The following GALNT2 variants were observed in gnomAD, a reference collection of about 807,000 sequenced individuals.
GALNT2 encodes polypeptide N-acetylgalactosaminyltransferase 2.
In GALNT2, 31 loss-of-function variants were observed where a neutral mutation model predicts 81.4. That is an observed-to-expected ratio of 0.38 (90% CI 0.29 to 0.51). The LOEUF (loss-of-function observed/expected upper bound fraction) is 0.51, where lower values mean the gene tolerates loss of function less well. Ranked by LOEUF, GALNT2 falls within the 20% of genes least tolerant of loss-of-function variation. The probability of loss-of-function intolerance (pLI) is 0.87; values close to 1 mark genes in which losing one functional copy is unlikely to be tolerated. For missense variants in GALNT2, 629 were observed against 765.7 expected, an observed-to-expected ratio of 0.82 and a Z score of 2.11; for synonymous variants, 303 against 287.4, an observed-to-expected ratio of 1.05 and a Z score of -0.55.
At chr1:230,164,525 C>CTT in intron 1 of GALNT2, among the ~76,000 whole-genome samples, 1 of 82,308 alleles carries the variant, frequency 1.2e-5, no homozygotes, top group East Asian at 4.1e-4. Context: ...ACAGCACGGT[C>CTT]TCTGGGCCCT....
chr1:230,086,349 C>T (rs892822186), intron 1 of GALNT2, among the ~76,000 whole-genome samples: 1 of 152,104 alleles, frequency 6.6e-6, no homozygotes, highest in African/African-American at 2.4e-5. Flanking sequence ...CAGAGCACCT[C>T]CTGGTCATTC....
intron 1 of GALNT2, among the ~76,000 whole-genome samples, chr1:230,089,809 G>T (rs1008357165): frequency 6.6e-6 from 1 of 152,068 alleles, no homozygotes; most frequent in Non-Finnish European, 1.5e-5. Context: ...TATACATTAC[G>T]CTGCTAACAC....
At chr1:230,109,378 G>A (rs1314682632) in intron 1 of GALNT2, among the ~76,000 whole-genome samples, 1 of 152,202 alleles carries the variant, frequency 6.6e-6, no homozygotes, top group South Asian at 2.1e-4. Context: ...ACTCATGTGG[G>A]ACGTCAGGAC....
intron 1 of GALNT2, among the ~76,000 whole-genome samples, chr1:230,136,556 T>C (rs1198108135): frequency 6.6e-6 from 1 of 152,188 alleles, no homozygotes; most frequent in Non-Finnish European, 1.5e-5. Flanking sequence ...CAGCCTGCCC[T>C]GTCGGAATAT....
At chr1:230,092,967 A>C (rs1477764082) in intron 1 of GALNT2, among the ~76,000 whole-genome samples, 1 of 152,174 alleles carries the variant, frequency 6.6e-6, no homozygotes, top group Non-Finnish European at 1.5e-5. Flanking sequence ...GGTGTTTGCC[A>C]TCTGTGTTTA....
intron 1 of GALNT2, among the ~76,000 whole-genome samples, chr1:230,134,922 G>A (rs1181301624): frequency 3.3e-5 from 5 of 152,166 alleles, no homozygotes; most frequent in African/African-American, 4.8e-5. Context: ...CAGTTTCTCC[G>A]CTGTATTTAA....
intron 14 of GALNT2, among the ~76,000 whole-genome samples, chr1:230,272,864 G>C (rs1666190971): frequency 6.6e-6 from 1 of 152,150 alleles, no homozygotes; most frequent in East Asian, 1.9e-4. Flanking sequence ...GGCCTCCCAG[G>C]TTGAAGCAAT....
chr1:230,230,291 A>G (rs775925765), intron 3 of GALNT2, among the ~76,000 whole-genome samples: 1 of 152,092 alleles, frequency 6.6e-6, no homozygotes, highest in Non-Finnish European at 1.5e-5. Context: ...CTCAAACTCA[A>G]TTTACAAATC....
intron 1 of GALNT2, among the ~76,000 whole-genome samples, chr1:230,085,742 CTTA>C (rs1558276730): frequency 6.6e-6 from 1 of 152,220 alleles, no homozygotes; most frequent in African/African-American, 2.4e-5. Flanking sequence ...CTGAGGTTCT[CTTA>C]TTCATTGCAT....
In GALNT2 at chr1:230,271,449, C is replaced by G. The variant is rs1018708672; in HGVS notation, c.1441-2996C>G. Among the ~76,000 whole-genome samples the G allele has an allele frequency of 1.3e-5, 2 of 152,204 alleles. No homozygotes were observed. Among genetic ancestry groups the G allele is most frequent in the African/African-American group, 4.8e-5 (2 of 41,448 alleles). On this transcript the variant is annotated intron_variant, in intron 14 of 15. Coordinates refer to ENST00000366672, the MANE Select transcript of GALNT2 (RefSeq NM_004481.5). The surrounding 1 kb of genome is among the most constrained non-coding windows in gnomAD (Gnocchi z 4.2). ...TCTCTGCGGACACTGAGTGTCATGC[C>G]TGTCAACTCAGTTCTGACACTGCCT...
chr1:230,119,703 A>G (rs1660956294), intron 1 of GALNT2, among the ~76,000 whole-genome samples: 1 of 152,118 alleles, frequency 6.6e-6, no homozygotes, highest in Non-Finnish European at 1.5e-5. Context: ...CACCCATGTC[A>G]GTTTCTTCCT....
chr1:230,112,800 T>TGGG (rs200649766), intron 1 of GALNT2, among the ~76,000 whole-genome samples: 3 of 76,114 alleles, frequency 3.9e-5, no homozygotes, highest in African/African-American at 6.0e-5. Flanking sequence ...GGCAGGGGGG[T>TGGG]GGGGGGGACC....
intron 3 of GALNT2, among the ~76,000 whole-genome samples, chr1:230,221,765 A>T (rs1053498835): frequency 1.3e-5 from 2 of 152,156 alleles, no homozygotes; most frequent in Non-Finnish European, 2.9e-5. Context: ...TTCCATGAAT[A>T]TTGACATGTG....
intron 1 of GALNT2, among the ~76,000 whole-genome samples, chr1:230,079,136 A>T (rs1283114196): frequency 6.6e-6 from 1 of 152,252 alleles, no homozygotes; most frequent in African/African-American, 2.4e-5. Context: ...GGAGACCGTT[A>T]ATAAATATGT....
At chr1:230,163,112 G>T (rs1572036531) in intron 1 of GALNT2, among the ~76,000 whole-genome samples, 2 of 152,244 alleles carry the variant, frequency 1.3e-5, no homozygotes, top group Admixed American at 1.3e-4. Context: ...TGAATCTTTG[G>T]CTTACAGAAA....
At chr1:230,119,498 G>T (rs892425363) in intron 1 of GALNT2, among the ~76,000 whole-genome samples, 1 of 152,194 alleles carries the variant, frequency 6.6e-6, no homozygotes, top group Non-Finnish European at 1.5e-5. Context: ...GGAGGCACAG[G>T]GCACTGGGTT....
intron 2 of GALNT2, among the ~76,000 whole-genome samples, chr1:230,181,617 G>T (rs1663163417): frequency 6.6e-6 from 1 of 151,258 alleles, no homozygotes; most frequent in Non-Finnish European, 1.5e-5. Context: ...TTGAACTCCT[G>T]ACCCCAGGTG....
At chr1:230,277,201 TAGAG>T (rs1261114131) in intron 15 of GALNT2, among the ~76,000 whole-genome samples, 1 of 152,094 alleles carries the variant, frequency 6.6e-6, no homozygotes, top group Non-Finnish European at 1.5e-5. Flanking sequence ...CTCAGGCTAT[TAGAG>T]AGGATGTGGG....
intron 1 of GALNT2, among the ~76,000 whole-genome samples, chr1:230,165,656 A>G (rs1011289042): frequency 2.0e-5 from 3 of 152,268 alleles, no homozygotes; most frequent in African/African-American, 7.2e-5. Flanking sequence ...GTATTGAGAT[A>G]GTATGGAGAA....
Sources: allele counts gnomAD v4.1 joint callset (sites outside exome capture counted in the v4.1 genomes callset), GRCh38; gene constraint gnomAD v4.1.1; non-coding constraint Gnocchi (gnomAD v3.1); transcripts MANE v1.5; gene names NCBI Gene and HGNC (gene_info 2026-07-23, HGNC 2026-07-21).